Variants in NCALD observed in about 807,000 individuals in gnomAD.
NCALD encodes neurocalcin-delta.
NCALD carries 10 observed loss-of-function variants against 18.6 expected under a neutral mutation model. The ratio of observed to expected loss-of-function variants is 0.54; its 90% CI spans 0.33 to 0.91. The LOEUF (loss-of-function observed/expected upper bound fraction) is 0.91, where lower values mean the gene tolerates loss of function less well. Among genes scored for constraint, NCALD ranks in the 40% least tolerant of loss-of-function variants. NCALD has a pLI of 0.03. For synonymous variants in NCALD, 88 were observed against 87.4 expected (o/e 1.01, Z -0.04); for missense variants, 184 against 247.6 (o/e 0.74, Z 1.72).
In NCALD at chr8:101,987,558, A is replaced by G. The variant is rs141831528; in HGVS notation, c.-157+32679T>C. ...AGTGATAAAAGCCAATGCATGAAAA[A>G]CAAATCCAAGACAGAGGCAGGATGT... is the stretch of plus-strand genomic sequence containing the variant. On this transcript the variant is annotated intron_variant, in intron 2 of 6. Transcript: ENST00000311028. Among the ~76,000 whole-genome samples the G allele has an allele frequency of 2.2e-3, 333 of 152,302 alleles. 1 individual carries two copies. The highest frequency in any genetic ancestry group is 7.7e-3 in the African/African-American group (322 of 41,568).
intron 1 of NCALD, among the ~76,000 whole-genome samples, chr8:101,765,991 G>A (rs959793213): frequency 6.6e-6 from 1 of 152,100 alleles, no homozygotes; most frequent in Non-Finnish European, 1.5e-5. Flanking sequence ...AAAGTCTCAC[G>A]TGCACATGTC....
intron 1 of NCALD, among the ~76,000 whole-genome samples, chr8:101,752,550 T>G (rs1005702549): frequency 6.6e-6 from 1 of 152,358 alleles, no homozygotes. Flanking sequence ...AGATAACCTA[T>G]GTATCAGAAA....
At chr8:102,037,109 T>C (rs1370938749) in intron 1 of NCALD, among the ~76,000 whole-genome samples, 6 of 152,182 alleles carry the variant, frequency 3.9e-5, no homozygotes, top group African/African-American at 9.7e-5. Flanking sequence ...GAAGATAGAA[T>C]TGTACGTAAC....
intron 1 of NCALD, among the ~76,000 whole-genome samples, chr8:102,094,707 TG>T (rs1278832447): frequency 1.3e-5 from 2 of 152,244 alleles, no homozygotes; most frequent in Non-Finnish European, 2.9e-5. Flanking sequence ...TCCTGATAGA[TG>T]TAATCAATTA....
intron 2 of NCALD, among the ~76,000 whole-genome samples, chr8:101,962,165 AG>A (rs1156545969): frequency 6.6e-6 from 1 of 152,226 alleles, no homozygotes; most frequent in African/African-American, 2.4e-5. Context: ...CACCAAACTC[AG>A]TGACTTGGCA....
chr8:101,736,090 G>A (rs562211689), intron 1 of NCALD, among the ~76,000 whole-genome samples: 77 of 152,234 alleles, frequency 5.1e-4, no homozygotes, highest in African/African-American at 1.7e-3. Flanking sequence ...GCAAGCCCCC[G>A]TTCCTATGCA....
chr8:101,793,242 C>G (rs1326351791), upstream of NCALD, among the ~76,000 whole-genome samples: 2 of 151,460 alleles, frequency 1.3e-5, no homozygotes, highest in African/African-American at 4.9e-5. Context: ...CCCAGCTACT[C>G]AGGAGGCTGA....
chr8:101,704,860 A>G (rs1815433338), intron 2 of NCALD, among the ~76,000 whole-genome samples: 1 of 151,614 alleles, frequency 6.6e-6, no homozygotes, highest in Non-Finnish European at 1.5e-5. Context: ...CAGAGGTTGC[A>G]GTAAGCTGAG....
chr8:101,696,512 C>A (rs1041788156), intron 2 of NCALD, among the ~76,000 whole-genome samples: 1 of 152,082 alleles, frequency 6.6e-6, no homozygotes, highest in Non-Finnish European at 1.5e-5. Flanking sequence ...CATGTGGAAG[C>A]CCAGAGTGGG....
intron 2 of NCALD, among the ~76,000 whole-genome samples, chr8:101,701,270 C>A (rs116668899): frequency 0.017 from 2,613 of 152,308 alleles, 76 homozygotes; most frequent in African/African-American, 0.059. Context: ...CAAATCATGT[C>A]TTTTACTAGC....
intron 2 of NCALD, among the ~76,000 whole-genome samples, chr8:101,944,366 C>T (rs756366168): frequency 1.4e-4 from 22 of 152,090 alleles, no homozygotes; most frequent in Non-Finnish European, 2.6e-4. Flanking sequence ...GAATGCAAGA[C>T]CTATAAAGAA....
chr8:101,829,788 C>A (rs1317074294), intron 4 of NCALD, among the ~76,000 whole-genome samples: 5 of 152,154 alleles, frequency 3.3e-5, no homozygotes, highest in Non-Finnish European at 5.9e-5. Flanking sequence ...AGCAAACATC[C>A]TACACAGCAT....
intron 2 of NCALD, among the ~76,000 whole-genome samples, chr8:101,715,179 T>G (rs532253714): frequency 5.3e-5 from 8 of 151,848 alleles, no homozygotes; most frequent in Non-Finnish European, 7.4e-5. Flanking sequence ...ACACCACACA[T>G]CTACAACCAT....
chr8:101,702,822 T>C (rs7842527), intron 2 of NCALD, among the ~76,000 whole-genome samples: 3,934 of 152,340 alleles, frequency 0.026, 134 homozygotes, highest in African/African-American at 0.078. Context: ...TCTCCCAATG[T>C]GCTTTCCAAG....
chr8:101,760,121 AG>A (rs1332634410), intron 1 of NCALD, among the ~76,000 whole-genome samples: 1 of 152,188 alleles, frequency 6.6e-6, no homozygotes, highest in Non-Finnish European at 1.5e-5. Context: ...TACACAGATT[AG>A]GTCTGGTTAG....
chr8:101,931,810 A>G (rs1818584866), intron 2 of NCALD, among the ~76,000 whole-genome samples: 1 of 152,188 alleles, frequency 6.6e-6, no homozygotes, highest in African/African-American at 2.4e-5. Flanking sequence ...AAGCAGTCCT[A>G]AAAAGGAGAT....
chr8:101,870,898 C>A (rs1409976287), intron 4 of NCALD, among the ~76,000 whole-genome samples: 2 of 42,374 alleles, frequency 4.7e-5, no homozygotes, highest in Non-Finnish European at 7.9e-5. Context: ...ACCGCCCCCA[C>A]CCCCCCCCCC....
At chr8:101,694,671 G>A (rs1412162972) in intron 2 of NCALD, among the ~76,000 whole-genome samples, 1 of 152,156 alleles carries the variant, frequency 6.6e-6, no homozygotes, top group Non-Finnish European at 1.5e-5. Flanking sequence ...AATGCTCACT[G>A]AAGTGTGCTC....
intron 1 of NCALD, among the ~76,000 whole-genome samples, chr8:102,090,207 T>C (rs1824879663): frequency 6.6e-6 from 1 of 152,232 alleles, no homozygotes; most frequent in South Asian, 2.1e-4. Flanking sequence ...GAGAAACTCC[T>C]ATAATTCTGA....
Sources: gnomAD v4.1 joint callset for allele counts (sites outside exome capture counted in the v4.1 genomes callset) on GRCh38, gnomAD v4.1.1 for gene constraint, MANE v1.5 for transcripts, NCBI Gene and HGNC (gene_info 2026-07-23, HGNC 2026-07-21) for gene names.